The following FASTKD1 variants were observed in gnomAD, a reference collection of about 807,000 sequenced individuals.
The protein encoded by FASTKD1 is FAST kinase domains 1.
A neutral mutation model predicts 90.9 loss-of-function variants in FASTKD1; 94 were observed. The observed-to-expected ratio is 1.03, with a 90% CI of 0.88 to 1.23. FASTKD1 has a LOEUF of 1.23. FASTKD1 is among the 50% of genes most tolerant of loss of function. The probability of loss-of-function intolerance (pLI) is 0.00; values close to 1 mark genes in which losing one functional copy is unlikely to be tolerated. For synonymous variants in FASTKD1, 319 were observed against 345.8 expected (o/e 0.92, Z 0.86); for missense variants, 945 against 993.5 (o/e 0.95, Z 0.66).
chr2:169,529,457 A>C lies in FASTKD1; in HGVS notation c.*368T>G, dbSNP rs2105318797. Among the ~76,000 whole-genome samples the C allele has an allele frequency of 6.6e-6, 1 of 152,306 alleles. No individual in the cohort carries two copies. Among genetic ancestry groups the C allele is most frequent in the South Asian group, 2.1e-4 (1 of 4,824 alleles). On this transcript the variant is annotated 3_prime_UTR_variant, in exon 15 of 15. Coordinates refer to ENST00000453153, the MANE Select transcript of FASTKD1 (RefSeq NM_024622.6). ...TCTGGATTATTGCAATGACCTCGTA[A>C]AGAGTTTTCTTTCTTACACATTTGC...
At chr2:169,546,740 C>T (rs1366094147) in intron 7 of FASTKD1, 36 bp from the exon 8 acceptor site, 2 of 1,557,360 alleles carry the variant, frequency 1.3e-6, no homozygotes, top group Non-Finnish European at 1.7e-6. Flanking sequence ...ACATCAGCAA[C>T]AAACCCAAAA....
chr2:169,544,380 G>A (rs1172686746), intron 9 of FASTKD1, among the ~76,000 whole-genome samples: 2 of 152,050 alleles, frequency 1.3e-5, no homozygotes, highest in Non-Finnish European at 2.9e-5. Context: ...GACCACCCTG[G>A]CCAACATGGT....
At position 169,547,512 on chromosome 2, in the gene FASTKD1, A is replaced by G. The variant is rs549085782; in HGVS notation, c.1215-808T>C. Among the ~76,000 whole-genome samples the G allele has an allele frequency of 3.9e-5, 6 of 152,332 alleles. No individual in the cohort carries two copies. In the South Asian group the frequency reaches 1.2e-3, roughly 32 times the overall value. The stretch of plus-strand genomic sequence containing the variant: ...CCCAACATTGTTAACAAAAGGCTAT[A>G]GCAAGAGCTATAGAAGTTATGAACT... On this transcript the variant is annotated intron_variant, in intron 7 of 14. Coordinates refer to ENST00000453153, the MANE Select transcript of FASTKD1 (RefSeq NM_024622.6).
intron 12 of FASTKD1, among the ~76,000 whole-genome samples, chr2:169,536,173 A>G (rs889051827): frequency 3.9e-5 from 6 of 152,200 alleles, no homozygotes; most frequent in African/African-American, 1.2e-4. Flanking sequence ...ATAGTGTTAA[A>G]TGCTTTACAT....
intron 4 of FASTKD1, among the ~76,000 whole-genome samples, chr2:169,561,981 T>C (rs955441402): frequency 2.4e-5 from 3 of 126,248 alleles, no homozygotes; most frequent in African/African-American, 8.9e-5. Flanking sequence ...AATTATTCAT[T>C]AATTTATTGT....
intron 7 of FASTKD1, among the ~76,000 whole-genome samples, chr2:169,551,917 A>G (rs905325895): frequency 3.9e-5 from 6 of 152,216 alleles, no homozygotes; most frequent in Non-Finnish European, 7.3e-5. Flanking sequence ...AGGAAGGCAA[A>G]TGTATATTTT....
intron 3 of FASTKD1, 103 bp from the exon 4 acceptor site, chr2:169,563,453 T>C (rs890237147): frequency 1.2e-6 from 1 of 828,312 alleles, no homozygotes; most frequent in Non-Finnish European, 1.7e-6. Flanking sequence ...GTAAATTACA[T>C]AAAATTTTTT....
chr2:169,565,306 AGGCTGGAGTGCAGT>A (rs1241789370), intron 3 of FASTKD1, among the ~76,000 whole-genome samples: 1 of 109,464 alleles, frequency 9.1e-6, no homozygotes, highest in Non-Finnish European at 1.7e-5. Context: ...TCTGTCACCC[AGGCTGGAGTGCAGT>A]GGCGCGATCT....
Position 169,538,121 on chromosome 2 carries a change from C to T in FASTKD1, c.1966G>A (p.Ala656Thr), listed in dbSNP as rs779602053. 6.2e-7 allele frequency: 1 copy of T among 1,605,382 alleles called. No homozygotes were observed. The highest frequency in any genetic ancestry group is 8.5e-7 in the Non-Finnish European group (1 of 1,177,412). The change falls in exon 11 of 15, where the codon GCA becomes ACA. Residue 656 changes from alanine to threonine, a missense_variant. Transcript: ENST00000453153. ...TCCATAAGATGAAACTGGACTCTTGCACTTCGAGATGGAGATAAAACTGAA... is the reference window on the plus strand; with the variant it reads ...TCCATAAGATGAAACTGGACTCTTGTACTTCGAGATGGAGATAAAACTGAA... ...QLEILSPSRS[A>T]RVQFHLMELN...
chr2:169,558,762 T>G (rs191847062), intron 5 of FASTKD1, among the ~76,000 whole-genome samples: 2 of 151,922 alleles, frequency 1.3e-5, no homozygotes, highest in African/African-American at 4.8e-5. Context: ...TTTTTTTTTG[T>G]ATTTTTAGTA....
At chr2:169,563,024 C>T (rs894409722) in intron 4 of FASTKD1, among the ~76,000 whole-genome samples, 1 of 152,184 alleles carries the variant, frequency 6.6e-6, no homozygotes, top group African/African-American at 2.4e-5. Context: ...TTGTATTACA[C>T]TTTATGTACC....
chr2:169,569,088 A>G (rs773994396), intron 3 of FASTKD1, 96 bp downstream of exon 3: 2 of 948,462 alleles, frequency 2.1e-6, no homozygotes, highest in Non-Finnish European at 3.3e-6. Flanking sequence ...GTGAAGCTTG[A>G]CAGGCATCAG....
intron 14 of FASTKD1, 53 bp from the exon 15 acceptor site, chr2:169,529,979 C>T: frequency 7.8e-7 from 1 of 1,275,200 alleles, no homozygotes; most frequent in Non-Finnish European, 1.1e-6. Context: ...CAACAAAAAA[C>T]ATTGAGGAAG....
At position 169,569,228 on chromosome 2, in the gene FASTKD1, CG is replaced by C; in HGVS notation, c.401del (p.Pro134ArgfsTer2). 3.7e-6 allele frequency: 6 copies of C among 1,613,994 alleles called. No individual in the cohort carries two copies. In the Admixed American group the frequency reaches 1.0e-4, roughly 27 times the overall value. On this transcript the variant is annotated frameshift_variant, in exon 3 of 15. Coordinates refer to ENST00000453153, the MANE Select transcript of FASTKD1 (RefSeq NM_024622.6). LOFTEE classifies it high-confidence loss of function. ...TQQFAGEAHD[P>X]LVEALVTEAW... is the part of the protein sequence containing the mutation. ...CTTCTGTAACTAGTGCTTCAACTAG[CG>C]GGTCATGGGCCTCACCAGCAAACCT...
At chr2:169,571,603 A>T (rs1403599100) in intron 2 of FASTKD1, 50 bp downstream of exon 2, 30 of 1,166,804 alleles carry the variant, frequency 2.6e-5, no homozygotes, top group Non-Finnish European at 3.5e-5. Context: ...TAGAAAATTA[A>T]AATGTAAACT....
chr2:169,555,161 T>A lies in FASTKD1; in HGVS notation c.1177A>T (p.Lys393Ter). ...TCTCTAAGTTTCGCAAAAAACTCCT[T>A]CCTTTGGAAATGCAGAAAAGTTAAT... Reference protein sequence around the residue: ...QELTFLHFQRKEFFAKLRELL... With the variant: ...QELTFLHFQR Residue 393 changes from lysine to a stop codon, truncating the protein, a stop_gained, in exon 7 of 15, where the codon AAG becomes TAG. Transcript: ENST00000453153. LOFTEE classifies it high-confidence loss of function. 1 of 1,612,724 alleles carries A rather than the reference T, an allele frequency of 6.2e-7. No individual in the cohort carries two copies. The highest frequency in any genetic ancestry group is 8.5e-7 in the Non-Finnish European group (1 of 1,179,548).
At chr2:169,565,823 C>A (rs1293037247) in intron 3 of FASTKD1, among the ~76,000 whole-genome samples, 1 of 152,142 alleles carries the variant, frequency 6.6e-6, no homozygotes, top group Admixed American at 6.5e-5. Flanking sequence ...TGCAGGGTTC[C>A]CTTTTCTCCA....
chr2:169,538,732 C>T (rs986548203), intron 10 of FASTKD1, among the ~76,000 whole-genome samples: 1 of 148,726 alleles, frequency 6.7e-6, no homozygotes, highest in Non-Finnish European at 1.5e-5. Flanking sequence ...TAATATTCCA[C>T]ACTTAGGATT....
chr2:169,534,141 T>G (rs1347569562), intron 12 of FASTKD1, among the ~76,000 whole-genome samples: 1 of 120,468 alleles, frequency 8.3e-6, no homozygotes, highest in Non-Finnish European at 1.6e-5. Flanking sequence ...ACTGCACTCC[T>G]GCACTGCACT....
Sources: gnomAD v4.1 joint callset for allele counts (sites outside exome capture counted in the v4.1 genomes callset) on GRCh38, gnomAD v4.1.1 for gene constraint, MANE v1.5 for transcripts, NCBI Gene and HGNC (gene_info 2026-07-23, HGNC 2026-07-21) for gene names.